Variants in DOCK8 observed in about 807,000 individuals in gnomAD.
DOCK8 encodes the protein dedicator of cytokinesis protein 8.
Under a neutral mutation model 245.6 loss-of-function variants are expected in DOCK8, and 141 were observed. The ratio of observed to expected loss-of-function variants is 0.57; its 90% CI spans 0.50 to 0.66. The LOEUF (loss-of-function observed/expected upper bound fraction) is 0.66, where lower values mean the gene tolerates loss of function less well. Among genes scored for constraint, DOCK8 ranks in the 30% least tolerant of loss-of-function variants. The pLI is 0.00. For missense variants in DOCK8, 2,965 were observed against 2,603.4 expected (o/e 1.14, Z -3.02); for synonymous variants, 1,168 against 970.2 (o/e 1.20, Z -3.79).
chr9:340,049 A>C (rs939995901), intron 13 of DOCK8, 110 bp from the exon 14 acceptor site: 3 of 1,295,864 alleles, frequency 2.3e-6, no homozygotes, highest in Non-Finnish European at 3.3e-6. Flanking sequence ...TTTTTACAGT[A>C]CTATAGTTTG....
At chr9:454,796 T>C (rs2057583122) in intron 46 of DOCK8, among the ~76,000 whole-genome samples, 1 of 152,188 alleles carries the variant, frequency 6.6e-6, no homozygotes, top group East Asian at 1.9e-4. Flanking sequence ...TGACACCACC[T>C]AGGTAAAATG....
chr9:444,370 G>A (rs2057186886), intron 43 of DOCK8, among the ~76,000 whole-genome samples: 1 of 71,600 alleles, frequency 1.4e-5, no homozygotes, highest in Non-Finnish European at 3.7e-5. Context: ...AATAATTTGG[G>A]AGTTTCTATG....
At chr9:401,033 T>A (rs117870705) in intron 26 of DOCK8, among the ~76,000 whole-genome samples, 2,676 of 108,256 alleles carry the variant, frequency 0.025, 139 homozygotes, top group Non-Finnish European at 0.037. Flanking sequence ...CTCCTTCACC[T>A]CCACCATCAC....
chr9:324,128 G>A (rs1056342787), intron 7 of DOCK8, among the ~76,000 whole-genome samples: 1 of 152,248 alleles, frequency 6.6e-6, no homozygotes, highest in African/African-American at 2.4e-5. Context: ...TTAGCAGATG[G>A]TGGAGGAGGA....
chr9:377,150 C>T lies in DOCK8; in HGVS notation c.2379C>T (p.His793=), dbSNP rs776951928. The T allele has an allele frequency of 6.2e-6, 10 of 1,606,864 alleles. No homozygotes were observed. Among genetic ancestry groups the T allele is most frequent in the South Asian group, 2.2e-5 (2 of 90,886 alleles). The change falls in exon 20 of 48, where the codon CAC becomes CAT. Residue 793 remains histidine, a synonymous_variant. Coordinates refer to ENST00000432829, the MANE Select transcript of DOCK8 (RefSeq NM_203447.4). ...SRLEPLVLFL[H]LVLDKLFQLS... ...TGGAGCCGCTCGTGCTCTTCCTGCACCTGGTGCTGGACAAGCTCTTCCAGC... is the reference window on the plus strand; with the variant it reads ...TGGAGCCGCTCGTGCTCTTCCTGCATCTGGTGCTGGACAAGCTCTTCCAGC...
At chr9:459,790 C>T (rs2057748385) in intron 46 of DOCK8, 1 of 152,408 alleles carries the variant, frequency 6.6e-6, no homozygotes, top group African/African-American at 2.4e-5. Context: ...CTCTCTCTAA[C>T]TCTCCTTCTC....
intron 1 of DOCK8, among the ~76,000 whole-genome samples, chr9:264,128 A>G (rs932207413): frequency 1.3e-5 from 2 of 152,220 alleles, no homozygotes; most frequent in African/African-American, 2.4e-5. Context: ...CTTTAAACAC[A>G]AGACACTAAA....
At chr9:402,716 C>A (rs2131507307) in intron 26 of DOCK8, among the ~76,000 whole-genome samples, 1 of 152,264 alleles carries the variant, frequency 6.6e-6, no homozygotes, top group South Asian at 2.1e-4. Flanking sequence ...TTTTAATAGT[C>A]ACTAAAAATA....
At chr9:245,752 A>G (rs535550) in intron 1 of DOCK8, among the ~76,000 whole-genome samples, 56,426 of 152,092 alleles carry the variant, frequency 0.37, 11,636 homozygotes, top group East Asian at 0.79. Flanking sequence ...ACTTTCTCAG[A>G]TACCCTTTTT....
Position 317,024 on chromosome 9 carries a change from A to G in DOCK8, c.742-19A>G. ...CACAGAATTCACTAATGATTTCCTT[A>G]CGATGTGATTAAAAATAGGAGGATG... On this transcript the variant is annotated intron_variant, in intron 6 of 47. Coordinates refer to ENST00000432829, the MANE Select transcript of DOCK8 (RefSeq NM_203447.4). The G allele has an allele frequency of 1.3e-6, 2 of 1,594,516 alleles. No individual in the cohort carries two copies. Among genetic ancestry groups the G allele is most frequent in the East Asian group, 2.2e-5 (1 of 44,778 alleles).
chr9:428,357 C>T lies in DOCK8; in HGVS notation c.4339-5C>T. 1 of 1,614,092 alleles carries T rather than the reference C, an allele frequency of 6.2e-7. No homozygotes were observed. Among genetic ancestry groups the T allele is most frequent in the Non-Finnish European group, 8.5e-7 (1 of 1,180,012 alleles). On this transcript the variant is annotated splice_region_variant and splice_polypyrimidine_tract_variant and intron_variant, in intron 34 of 47. Coordinates refer to ENST00000432829, the MANE Select transcript of DOCK8 (RefSeq NM_203447.4). ...TTCAATGATGCTGTTCTTCCATTCC[C>T]CCAGGCGAGCTCGGCTCTGGACTGT...
chr9:278,050 C>G (rs544998924), intron 2 of DOCK8, among the ~76,000 whole-genome samples: 332 of 152,294 alleles, frequency 2.2e-3, no homozygotes, highest in Middle Eastern at 3.4e-3. Flanking sequence ...ACTGATTGCA[C>G]TGGAAGGGAC....
chr9:264,132 C>T (rs1206104528), intron 1 of DOCK8, among the ~76,000 whole-genome samples: 1 of 152,186 alleles, frequency 6.6e-6, no homozygotes, highest in Non-Finnish European at 1.5e-5. Context: ...AAACACAAGA[C>T]ACTAAATGGT....
Position 286,454 on chromosome 9 carries a change from C to A in DOCK8, c.157-7C>A. 6.2e-7 allele frequency: 1 copy of A among 1,613,428 alleles called. No individual in the cohort carries two copies. The highest frequency in any genetic ancestry group is 1.3e-5 in the African/African-American group (1 of 74,888). Reference sequence around the variant, plus strand: ...GAACCTCCTTTTCCTTTTCCCTGCCCCTCCAGCCTCAGTTTTATGACCCTG... The same window carrying A: ...GAACCTCCTTTTCCTTTTCCCTGCCACTCCAGCCTCAGTTTTATGACCCTG... On this transcript the variant is annotated splice_polypyrimidine_tract_variant and splice_region_variant and intron_variant, in intron 2 of 47. Coordinates refer to ENST00000432829, the MANE Select transcript of DOCK8 (RefSeq NM_203447.4).
At chr9:243,941 T>C (rs2047440269) in intron 1 of DOCK8, among the ~76,000 whole-genome samples, 1 of 151,958 alleles carries the variant, frequency 6.6e-6, no homozygotes, top group Non-Finnish European at 1.5e-5. Context: ...TCCCAGCACT[T>C]TGGGAGGCCG....
intron 44 of DOCK8, among the ~76,000 whole-genome samples, chr9:446,980 A>T (rs2057284725): frequency 6.6e-6 from 1 of 152,120 alleles, no homozygotes; most frequent in South Asian, 2.1e-4. Context: ...ATTCAAGCAT[A>T]GTCGTGCTGT....
intron 1 of DOCK8, among the ~76,000 whole-genome samples, chr9:231,533 G>A (rs1255487160): frequency 1.3e-5 from 2 of 152,170 alleles, no homozygotes; most frequent in African/African-American, 4.8e-5. Context: ...CTACCCATGA[G>A]CATGGAATGT....
intron 14 of DOCK8, among the ~76,000 whole-genome samples, chr9:354,272 C>T (rs2052320087): frequency 1.3e-5 from 2 of 152,272 alleles, no homozygotes; most frequent in South Asian, 4.1e-4. Flanking sequence ...GTGGAGGTTG[C>T]AGTGGGCCGA....
At chr9:403,960 GTA>G (rs773503416) in intron 26 of DOCK8, among the ~76,000 whole-genome samples, 7,301 of 67,128 alleles carry the variant, frequency 0.11, 365 homozygotes, top group South Asian at 0.12. Context: ...ATATATATAT[GTA>G]TATATATATA....
Sources: gnomAD v4.1 joint callset for allele counts (sites outside exome capture counted in the v4.1 genomes callset) on GRCh38, gnomAD v4.1.1 for gene constraint, MANE v1.5 for transcripts, NCBI Gene and HGNC (gene_info 2026-07-23, HGNC 2026-07-21) for gene names.